The following TASP1 variants were observed in gnomAD, a reference collection of about 807,000 sequenced individuals.
The protein encoded by TASP1 is taspase 1, also known as threonine aspartase 1.
Under a neutral mutation model 56.6 loss-of-function variants are expected in TASP1, and 16 were observed. The ratio of observed to expected loss-of-function variants is 0.28; its 90% CI spans 0.19 to 0.43. The LOEUF is 0.43. TASP1 is among the 20% of genes least tolerant of loss of function. TASP1 has a pLI of 1.00. For synonymous variants in TASP1, 179 were observed against 184.2 expected, an observed-to-expected ratio of 0.97 and a Z score of 0.23; for missense variants, 393 against 511.6, an observed-to-expected ratio of 0.77 and a Z score of 2.24.
intron 10 of TASP1, among the ~76,000 whole-genome samples, chr20:13,517,773 GCA>G (rs2146772897): frequency 6.6e-6 from 1 of 152,176 alleles, no homozygotes; most frequent in African/African-American, 2.4e-5. Context: ...CTACATAATT[GCA>G]TACCATCAGT....
In TASP1 at chr20:13,630,060, T is replaced by A; in HGVS notation, c.19A>T (p.Met7Leu). 6.2e-7 allele frequency: 1 copy of A among 1,613,210 alleles called. No homozygotes were observed. Among genetic ancestry groups the A allele is most frequent in the Non-Finnish European group, 8.5e-7 (1 of 1,179,802 alleles). ...GAAGGCAGCCCTTCTCCAGAACTCATCCCCTTCTCCATGGTCATTCTCCAA... is the reference window on the plus strand; with the variant it reads ...GAAGGCAGCCCTTCTCCAGAACTCAACCCCTTCTCCATGGTCATTCTCCAA... MTMEKG[M>L]SSGEGLPSRS... Residue 7 changes from methionine to leucine, a missense_variant, in exon 2 of 14, where the codon ATG becomes TTG. Around this residue, in one of 3 missense-constraint regions of TASP1, gnomAD observed 52 missense variants for 51.1 expected, o/e 1.02. Coordinates refer to ENST00000337743, the MANE Select transcript of TASP1 (RefSeq NM_017714.3).
chr20:13,393,374 T>C, intron 13 of TASP1: 2 of 743,554 alleles, frequency 2.7e-6, no homozygotes, highest in Non-Finnish European at 4.9e-6. Flanking sequence ...TGGCCTTCCA[T>C]GTCCCCATTG....
At chr20:13,596,018 C>G (rs551818664) in intron 4 of TASP1, among the ~76,000 whole-genome samples, 38 of 152,270 alleles carry the variant, frequency 2.5e-4, no homozygotes, top group African/African-American at 8.2e-4. Flanking sequence ...GAAATCACAA[C>G]AAACTGTCTC....
chr20:13,634,787 G>A (rs1175546476), intron 1 of TASP1, among the ~76,000 whole-genome samples: 4 of 148,824 alleles, frequency 2.7e-5, no homozygotes, highest in African/African-American at 9.9e-5. Context: ...CCAGCACTTT[G>A]GGAGGCCGAG....
chr20:13,474,551 T>G (rs917028798), intron 11 of TASP1, among the ~76,000 whole-genome samples: 1 of 152,206 alleles, frequency 6.6e-6, no homozygotes, highest in African/African-American at 2.4e-5. Context: ...GGTACTAAGG[T>G]TGGTTCCATA....
chr20:13,179,482 A>G, the TASP1 span, among the ~76,000 whole-genome samples: 2 of 151,316 alleles, frequency 1.3e-5, no homozygotes, highest in African/African-American at 2.4e-5. Context: ...TGGAGAAAAA[A>G]TACCAACATA....
chr20:13,183,144 A>G, the TASP1 span, among the ~76,000 whole-genome samples: 1 of 152,220 alleles, frequency 6.6e-6, no homozygotes, highest in African/African-American at 2.4e-5. Flanking sequence ...CCCTCTTGCT[A>G]TTAGCAACCC....
intron 8 of TASP1, among the ~76,000 whole-genome samples, chr20:13,535,901 G>A (rs2045398665): frequency 6.6e-6 from 1 of 152,180 alleles, no homozygotes; most frequent in Non-Finnish European, 1.5e-5. Flanking sequence ...GTTGGACAAA[G>A]CAAAGTCTGT....
chr20:13,526,973 C>T (rs1035430765), intron 10 of TASP1, among the ~76,000 whole-genome samples: 2 of 152,106 alleles, frequency 1.3e-5, no homozygotes, highest in Non-Finnish European at 2.9e-5. Flanking sequence ...AAAGGACTCA[C>T]ATGCACCTCA....
At chr20:13,453,567 G>A (rs983876674) in intron 11 of TASP1, among the ~76,000 whole-genome samples, 1 of 152,120 alleles carries the variant, frequency 6.6e-6, no homozygotes, top group African/African-American at 2.4e-5. Context: ...TGGGATTTAA[G>A]AGCCTAAACT....
chr20:13,178,302 C>T, the TASP1 span, among the ~76,000 whole-genome samples: 21 of 152,012 alleles, frequency 1.4e-4, no homozygotes, highest in African/African-American at 4.3e-4. Flanking sequence ...ACAGACTGTT[C>T]GTGGGAATGT....
the TASP1 span, among the ~76,000 whole-genome samples, chr20:13,148,621 G>T: frequency 6.6e-6 from 1 of 152,202 alleles, no homozygotes; most frequent in African/African-American, 2.4e-5. Flanking sequence ...GCATAGCTCA[G>T]CCAGGCTGCA....
the TASP1 span, among the ~76,000 whole-genome samples, chr20:13,171,390 A>G: frequency 1.3e-5 from 2 of 152,302 alleles, no homozygotes; most frequent in South Asian, 2.1e-4. Flanking sequence ...CAAAATATCC[A>G]TGAAGAGTTT....
chr20:13,555,817 C>T (rs1197991223), intron 8 of TASP1, among the ~76,000 whole-genome samples: 1 of 152,102 alleles, frequency 6.6e-6, no homozygotes, highest in South Asian at 2.1e-4. Flanking sequence ...TCTATGGCAG[C>T]CTTAGCCTTA....
the TASP1 span, among the ~76,000 whole-genome samples, chr20:13,216,032 C>T: frequency 6.6e-6 from 1 of 152,224 alleles, no homozygotes; most frequent in Non-Finnish European, 1.5e-5. Context: ...ACCTCTAAGG[C>T]TCCTTGGAGC....
intron 8 of TASP1, among the ~76,000 whole-genome samples, chr20:13,551,032 T>C (rs1051580979): frequency 2.6e-5 from 4 of 152,156 alleles, no homozygotes; most frequent in Admixed American, 6.6e-5. Context: ...TTCAAAAGAA[T>C]AGAATATATT....
the TASP1 span, among the ~76,000 whole-genome samples, chr20:13,112,672 C>T: frequency 6.6e-6 from 1 of 152,174 alleles, no homozygotes; most frequent in East Asian, 1.9e-4. Context: ...CCTTTCATTT[C>T]ACCCACACAG....
chr20:13,199,052 T>G, the TASP1 span, among the ~76,000 whole-genome samples: 1 of 150,118 alleles, frequency 6.7e-6, no homozygotes, highest in African/African-American at 2.5e-5. Flanking sequence ...ACCACAGGCA[T>G]GTGCCACCAT....
chr20:13,522,097 C>T (rs1385099110), intron 10 of TASP1, among the ~76,000 whole-genome samples: 1 of 152,108 alleles, frequency 6.6e-6, no homozygotes, highest in African/African-American at 2.4e-5. Context: ...GCAAAGGAGC[C>T]ACCGTAGCTG....
Sources: gnomAD v4.1 joint callset for allele counts (sites outside exome capture counted in the v4.1 genomes callset) on GRCh38, gnomAD v4.1.1 for gene constraint, gnomAD v4.1.1 regional missense constraint, MANE v1.5 for transcripts, NCBI Gene and HGNC (gene_info 2026-07-23, HGNC 2026-07-21) for gene names.